The following HDX variants were observed in gnomAD, a reference collection of about 807,000 sequenced individuals.
The protein encoded by HDX is highly divergent homeobox, also known as chromosome X open reading frame 43.
HDX carries 19 observed loss-of-function variants against 45.2 expected under a neutral mutation model. The ratio of observed to expected loss-of-function variants is 0.42; its 90% CI spans 0.29 to 0.62. The LOEUF is 0.62. Among genes scored for constraint, HDX ranks in the 20% least tolerant of loss-of-function variants. HDX has a pLI of 0.20. For missense variants in HDX, 532 were observed against 493.9 expected (o/e 1.08, Z -0.73); for synonymous variants, 188 against 172.8 (o/e 1.09, Z -0.69).
rs1326396113 is a variant in HDX, at chrX:84,400,669, C to T, written c.1306-39057G>A. ...ATACAATGCTATTCCCATCAACCTA[C>T]CATTGACATTCTTCACAGAAATAGA... On this transcript the variant is annotated intron_variant, in intron 5 of 10. Coordinates refer to ENST00000373177, the MANE Select transcript of HDX (RefSeq NM_001177479.2). 4.5e-5 allele frequency among the ~76,000 whole-genome samples: 5 copies of T among 111,153 alleles called. No homozygotes were observed. In the East Asian group the frequency reaches 1.1e-3, roughly 25 times the overall value.
At chrX:84,406,929 C>T (rs4357446) in intron 5 of HDX, among the ~76,000 whole-genome samples, 28,608 of 107,829 alleles carry the variant, frequency 0.27, 2,992 homozygotes, top group East Asian at 0.69. Context: ...AATTTTTGAG[C>T]GGGTGAAAAA....
chrX:84,406,467 C>A (rs2038824108), intron 5 of HDX, among the ~76,000 whole-genome samples: 1 of 61,797 alleles, frequency 1.6e-5, no homozygotes, highest in Non-Finnish European at 3.4e-5. Flanking sequence ...GATAATCTCA[C>A]ATACACACAC....
chrX:84,332,592 A>G (rs2036868725), intron 9 of HDX, among the ~76,000 whole-genome samples: 1 of 110,914 alleles, frequency 9.0e-6, no homozygotes, highest in Admixed American at 9.6e-5. Context: ...AGCACTCTTA[A>G]CAGCTGTGCA....
chrX:84,474,461 A>G (rs2040510736), intron 3 of HDX, among the ~76,000 whole-genome samples: 1 of 111,833 alleles, frequency 8.9e-6, no homozygotes, highest in Non-Finnish European at 1.9e-5. Context: ...TTGAAGGTAC[A>G]TCGAAAGCAA....
chrX:84,484,739 T>C (rs2040755217), intron 2 of HDX, among the ~76,000 whole-genome samples: 2 of 112,090 alleles, frequency 1.8e-5, no homozygotes, highest in Non-Finnish European at 3.8e-5. Flanking sequence ...TGAAATGGTA[T>C]CTCATTGTGG....
intron 5 of HDX, among the ~76,000 whole-genome samples, chrX:84,407,152 G>T (rs1175160446): frequency 9.0e-6 from 1 of 110,634 alleles, no homozygotes; most frequent in Non-Finnish European, 1.9e-5. Context: ...AGATTATTTC[G>T]CCACAGAGAT....
chrX:84,464,217 A>G (rs1445143024), intron 4 of HDX, among the ~76,000 whole-genome samples: 1 of 111,911 alleles, frequency 8.9e-6, no homozygotes, highest in Non-Finnish European at 1.9e-5. Flanking sequence ...CATGGAAAGG[A>G]AGAATCAATA....
At chrX:84,347,006 T>A (rs898625300) in intron 6 of HDX, among the ~76,000 whole-genome samples, 2 of 111,604 alleles carry the variant, frequency 1.8e-5, no homozygotes, top group African/African-American at 6.5e-5. Context: ...GATCTTTGAT[T>A]TCTTTTATCA....
intron 3 of HDX, among the ~76,000 whole-genome samples, chrX:84,470,693 A>G (rs1020026322): frequency 8.9e-6 from 1 of 111,805 alleles, no homozygotes; most frequent in Non-Finnish European, 1.9e-5. Context: ...TACAAAATAC[A>G]TATTTTAATG....
chrX:84,497,345 A>G (rs1403659441), intron 1 of HDX, among the ~76,000 whole-genome samples: 1 of 112,110 alleles, frequency 8.9e-6, no homozygotes, highest in Non-Finnish European at 1.9e-5. Context: ...TATTCCATCC[A>G]TAAAACATAC....
In HDX at chrX:84,344,295, T is replaced by C; in HGVS notation, c.1615A>G (p.Arg539Gly). 1 of 1,208,731 alleles carries C rather than the reference T, an allele frequency of 8.3e-7. No homozygotes were observed. Among genetic ancestry groups the C allele is most frequent in the Non-Finnish European group, 1.1e-6 (1 of 893,197 alleles). ...AGPEVGEDNDRNDEVSICLSE... is the reference protein window; with the variant it reads ...AGPEVGEDNDGNDEVSICLSE... ...AAACAGATGGATACTTCATCATTTC[T>C]GTCATTATCCTCTCCTACTTCAGGC... The change falls in exon 7 of 11, where the codon AGA (arginine) becomes GGA (glycine). Residue 539 changes from arginine (R) to glycine (G), a missense_variant. Coordinates refer to ENST00000373177, the MANE Select transcript of HDX (RefSeq NM_001177479.2).
intron 3 of HDX, among the ~76,000 whole-genome samples, chrX:84,470,323 T>C (rs1230028310): frequency 1.8e-5 from 2 of 111,583 alleles, no homozygotes; most frequent in East Asian, 5.6e-4. Context: ...TATCTTTTTG[T>C]AGTCTTTACT....
chrX:84,369,931 T>C lies in HDX; in HGVS notation c.1306-8319A>G, dbSNP rs764072174. Among the ~76,000 whole-genome samples, 4 of 112,439 alleles carry C rather than the reference T, an allele frequency of 3.6e-5. No individual in the cohort carries two copies. In the South Asian group the frequency reaches 1.1e-3, roughly 31 times the overall value. On this transcript the variant is annotated intron_variant, in intron 5 of 10. Transcript: ENST00000373177. ...TGAAATGTATCTTTGTGGTAGTTAATTTAATGTGTCAATTTGACTGGGCTA... is the reference window on the plus strand; with the variant it reads ...TGAAATGTATCTTTGTGGTAGTTAACTTAATGTGTCAATTTGACTGGGCTA...
intron 6 of HDX, among the ~76,000 whole-genome samples, chrX:84,349,002 G>A (rs968816420): frequency 2.7e-5 from 3 of 111,501 alleles, no homozygotes; most frequent in Admixed American, 9.6e-5. Context: ...GCCTCTGGGA[G>A]TAAAACTCAC....
intron 5 of HDX, among the ~76,000 whole-genome samples, chrX:84,438,999 G>A (rs924134763): frequency 8.9e-6 from 1 of 112,001 alleles, no homozygotes; most frequent in Admixed American, 9.4e-5. Flanking sequence ...TGCATTCCCA[G>A]CAACAGTGTA....
intron 5 of HDX, among the ~76,000 whole-genome samples, chrX:84,413,488 C>T (rs1454727953): frequency 9.0e-6 from 1 of 111,494 alleles, no homozygotes; most frequent in African/African-American, 3.3e-5. Context: ...TGGCTGTTCT[C>T]TGGCCCCTCA....
intron 1 of HDX, among the ~76,000 whole-genome samples, chrX:84,490,409 T>C (rs1034723659): frequency 2.7e-5 from 3 of 111,970 alleles, no homozygotes; most frequent in Non-Finnish European, 5.7e-5. Flanking sequence ...CTTTGTGCTA[T>C]TATTGCTACA....
At chrX:84,399,265 C>A (rs2038641668) in intron 5 of HDX, among the ~76,000 whole-genome samples, 1 of 107,584 alleles carries the variant, frequency 9.3e-6, no homozygotes, top group South Asian at 4.2e-4. Context: ...CCCAAAAAAA[C>A]AATAAATCCA....
At chrX:84,473,256 A>AT (rs2040485478) in intron 3 of HDX, among the ~76,000 whole-genome samples, 1 of 102,557 alleles carries the variant, frequency 9.8e-6, no homozygotes, top group Admixed American at 1.1e-4. Context: ...GGACTTAAGG[A>AT]TTTTTTAAAA....
Sources: gnomAD v4.1 joint callset for allele counts (sites outside exome capture counted in the v4.1 genomes callset) on GRCh38, gnomAD v4.1.1 for gene constraint, MANE v1.5 for transcripts, NCBI Gene and HGNC (gene_info 2026-07-23, HGNC 2026-07-21) for gene names.